The following TMC6 variants were observed in gnomAD, a reference collection of about 807,000 sequenced individuals.
TMC6 encodes transmembrane channel-like protein 6.
A neutral mutation model predicts 95.4 loss-of-function variants in TMC6; 71 were observed. The ratio of observed to expected loss-of-function variants is 0.74; its 90% confidence interval spans 0.61 to 0.91. The LOEUF is 0.91. TMC6 is among the 40% of genes least tolerant of loss of function. The probability of loss-of-function intolerance (pLI) is 0.00; values close to 1 mark genes in which losing one functional copy is unlikely to be tolerated. For missense variants in TMC6, 1,074 were observed against 1,079.1 expected (o/e 1.00, Z 0.07); for synonymous variants, 514 against 483.1 (o/e 1.06, Z -0.84).
chr17:78,132,357 A>G (rs1356092812), upstream of TMC6: 9 of 1,612,576 alleles, frequency 5.6e-6, no homozygotes, highest in Non-Finnish European at 7.6e-6. Flanking sequence ...CTCCCACTGC[A>G]GGCCTCTTCG....
Position 78,117,623 on chromosome 17 carries a change from GC to G in TMC6, c.2042del (p.Cys681SerfsTer38). 2 of 1,574,584 alleles carry G rather than the reference GC, an allele frequency of 1.3e-6. No individual in the cohort carries two copies. The highest frequency in any genetic ancestry group is 1.7e-6 in the Non-Finnish European group (2 of 1,161,140). ...TGGTGTCCAGGGTCCGGAAGGGGCC[GC>G]AGGTGCTCGAGGGCTTCACCCTGGG... ...AVWQVKPSST[C>X]GPFRTLDTMY... On this transcript the variant is annotated frameshift_variant, in exon 17 of 20. Coordinates refer to ENST00000590602, the MANE Select transcript of TMC6 (RefSeq NM_001127198.5). LOFTEE classifies it high-confidence loss of function.
intron 1 of TMC6, 155 bp from the exon 2 acceptor site, chr17:78,127,061 C>G: frequency 1.6e-6 from 1 of 617,762 alleles, no homozygotes; most frequent in Non-Finnish European, 2.9e-6. Context: ...GGTGAGGCAC[C>G]GAATAAGCCT....
intron 19 of TMC6, among the ~76,000 whole-genome samples, 154 bp from the exon 20 acceptor site, chr17:78,113,365 C>CTAGAAGAGTGA (rs1275090661): frequency 2.0e-5 from 3 of 152,238 alleles, no homozygotes; most frequent in Non-Finnish European, 4.4e-5. Context: ...TGGCCAGGCT[C>CTAGAAGAGTGA]CGGAGGCCAG....
At position 78,111,797 on chromosome 17, in the gene TMC6, C is replaced by A. The variant is rs2073829620; in HGVS notation, c.*1351G>T. On this transcript the variant is annotated 3_prime_UTR_variant, in exon 20 of 20. Transcript: ENST00000590602. ...CCATCGCTCTTTGACCATTTCCCCA[C>A]CTGGGTTCATTCCCCCAATCCCAAG... 4.9e-6 allele frequency: 1 copy of A among 203,864 alleles called. No individual in the cohort carries two copies. Among genetic ancestry groups the A allele is most frequent in the African/African-American group, 2.4e-5 (1 of 41,942 alleles). The allele number at this position is 203,864 out of a possible 1,614,324, so 12.6% of individuals were successfully genotyped here. A position where few individuals can be genotyped will look rare whatever the true frequency, so the allele number is the denominator to read the frequency against.
chr17:78,120,073 A>G (rs1264520353), intron 13 of TMC6: 1 of 360,304 alleles, frequency 2.8e-6, no homozygotes, highest in African/African-American at 2.2e-5. Context: ...AACATTTTTT[A>G]AATGTTCCTC....
In TMC6 at chr17:78,124,989, G is replaced by A; in HGVS notation, c.537-4C>T. 6.3e-7 allele frequency: 1 copy of A among 1,583,814 alleles called. No homozygotes were observed. Among genetic ancestry groups the A allele is most frequent in the Non-Finnish European group, 8.6e-7 (1 of 1,168,158 alleles). On this transcript the variant is annotated splice_region_variant and splice_polypyrimidine_tract_variant and intron_variant, in intron 6 of 19. Coordinates refer to ENST00000590602, the MANE Select transcript of TMC6 (RefSeq NM_001127198.5). The stretch of plus-strand genomic sequence containing the variant: ...CCTCGGGGTCCTGCTCTTCTCTCTG[G>A]GGACAGAGGCAGCCATAGGTGCCTG...
chr17:78,126,429 C>T, intron 3 of TMC6, 63 bp from the exon 4 acceptor site: 1 of 1,605,996 alleles, frequency 6.2e-7, no homozygotes, highest in South Asian at 1.1e-5. Context: ...TATCTCCCAC[C>T]CCATCCCAGG....
rs2073874878 is a variant in TMC6 at position 78,113,148 on chromosome 17, CT to C, written c.2417del (p.Ter806TrpfsTer51). On this transcript the variant is annotated frameshift_variant and stop_lost, in exon 20 of 20. Coordinates refer to ENST00000590602, the MANE Select transcript of TMC6 (RefSeq NM_001127198.5). LOFTEE classifies it high-confidence loss of function. ...GCCCGTGAGGCCCATCGCCGTCCCC[CT>C]AGGCATCCTGTTCATCTGTGAGCAG... is the stretch of plus-strand genomic sequence containing the variant. ...PALLTDEQDA* is the reference protein window; with the variant it reads ...PALLTDEQDAX 1 of 1,554,046 alleles carries C rather than the reference CT, an allele frequency of 6.4e-7. No homozygotes were observed. Among genetic ancestry groups the C allele is most frequent in the Admixed American group, 1.9e-5 (1 of 51,370 alleles).
upstream of TMC6, among the ~76,000 whole-genome samples, chr17:78,129,080 C>T (rs1203521497): frequency 1.3e-5 from 2 of 151,602 alleles, no homozygotes; most frequent in African/African-American, 2.4e-5. The surrounding 1 kb of genome is among the most constrained non-coding windows in gnomAD (Gnocchi z 4.3). Context: ...CCGAAAGCCC[C>T]AGGGACACAG....
intron 6 of TMC6, 39 bp from the exon 7 acceptor site, chr17:78,125,024 G>A: frequency 6.4e-7 from 1 of 1,553,310 alleles, no homozygotes; most frequent in South Asian, 1.2e-5. Context: ...GGACCAATGA[G>A]GGGCCTGACT....
At chr17:78,131,198 CG>C, upstream of TMC6, 2 of 345,946 alleles carry the variant, frequency 5.8e-6, no homozygotes, top group South Asian at 5.0e-5. Flanking sequence ...CAGGTGGATG[CG>C]GGGTGCAGCA....
At position 78,126,609 on chromosome 17, in the gene TMC6, G is replaced by GC; in HGVS notation, c.95_96insG (p.Asp32GlufsTer32). The GC allele has an allele frequency of 6.2e-7, 1 of 1,613,686 alleles. No homozygotes were observed. Reference sequence around the variant, plus strand: ...GCTCCTGGATGAGCTGCTGGAAGGAGTCGTGCACTTCGCTTTCATCATAGG... The same window carrying GC: ...GCTCCTGGATGAGCTGCTGGAAGGAGCTCGTGCACTTCGCTTTCATCATAGG... On this transcript the variant is annotated frameshift_variant, in exon 3 of 20. Coordinates refer to ENST00000590602, the MANE Select transcript of TMC6 (RefSeq NM_001127198.5). LOFTEE classifies it high-confidence loss of function.
rs952440785 is a variant in TMC6 at position 78,118,995 on chromosome 17, C to G, written c.1863G>C (p.Leu621=). The change falls in exon 15 of 20, where the codon CTG becomes CTC. Residue 621 remains leucine (L), a synonymous_variant. Transcript: ENST00000590602. ...CCTTCTTGACATAGAAGACGAGCAG[C>G]AGCTTGATGATCTGCACGGCGGGGA... ...PLLPAVQIIK[L]LLVFYVKKTS... 12 of 1,605,506 alleles carry G rather than the reference C, an allele frequency of 7.5e-6. No homozygotes were observed. Among genetic ancestry groups the G allele is most frequent in the Non-Finnish European group, 1.0e-5 (12 of 1,176,336 alleles).
rs2074266272 is a variant in TMC6, at chr17:78,118,903, A to G, written c.1887+68T>C. The stretch of plus-strand genomic sequence containing the variant: ...GGTTCTAGTGTCCCAGGCTCTGCCC[A>G]GCTGAGTCCTGCCCCCACTGCCGGC... On this transcript the variant is annotated intron_variant, in intron 15 of 19. Transcript: ENST00000590602. 5 of 1,510,052 alleles carry G rather than the reference A, an allele frequency of 3.3e-6. 1 individual carries two copies. In the South Asian group the frequency reaches 4.8e-5, roughly 14 times the overall value. The allele number at this position is 1,510,052 out of a possible 1,614,324, so 93.5% of individuals were successfully genotyped here.
At chr17:78,125,994 A>G (rs1480871271) in intron 4 of TMC6, 110 bp from the exon 5 acceptor site, 1 of 1,454,724 alleles carries the variant, frequency 6.9e-7, no homozygotes, top group Non-Finnish European at 9.3e-7. Flanking sequence ...GGACCCAGGA[A>G]AATCCTTTCA....
rs2074726912 is a variant in TMC6, at chr17:78,126,529, A to G, written c.176T>C (p.Val59Ala). The part of the protein sequence containing the change: ...GLELQQRERE[V>A]TGSSQQTLWR... ...GCATCCAGGCCTGAGCTCACCTGTC[A>G]CCTCCCGCTCTCTCTGCTGCAGCTC... The change falls in exon 3 of 20, where the codon GTG (valine) becomes GCG (alanine). Residue 59 changes from valine to alanine, a missense_variant. Coordinates refer to ENST00000590602, the MANE Select transcript of TMC6 (RefSeq NM_001127198.5). 6.2e-7 allele frequency: 1 copy of G among 1,612,590 alleles called. No individual in the cohort carries two copies. Among genetic ancestry groups the G allele is most frequent in the Non-Finnish European group, 8.5e-7 (1 of 1,179,782 alleles).
chr17:78,127,098 C>G (rs1265942908), intron 1 of TMC6, 192 bp from the exon 2 acceptor site: 1 of 589,338 alleles, frequency 1.7e-6, no homozygotes, highest in Non-Finnish European at 3.0e-6. Flanking sequence ...GGGGGGCCCC[C>G]TCCAGTGTCA....
intron 18 of TMC6, among the ~76,000 whole-genome samples, chr17:78,115,472 A>G (rs1451442558): frequency 6.6e-6 from 1 of 152,186 alleles, no homozygotes; most frequent in East Asian, 1.9e-4. Flanking sequence ...AAGCCTGGAA[A>G]AGCCACAGGA....
At chr17:78,129,127 C>G (rs999375555), upstream of TMC6, among the ~76,000 whole-genome samples, 1 of 147,592 alleles carries the variant, frequency 6.8e-6, no homozygotes, top group Non-Finnish European at 1.5e-5. This position sits in a 1 kb window ranked among gnomAD's most constrained non-coding sequence, Gnocchi z 4.3. Flanking sequence ...CCCCCCCCCC[C>G]GCCGCCCCCG....
Sources: gnomAD v4.1 joint callset for allele counts (sites outside exome capture counted in the v4.1 genomes callset) on GRCh38, gnomAD v4.1.1 for gene constraint, Gnocchi (gnomAD v3.1) non-coding constraint, MANE v1.5 for transcripts, NCBI Gene and HGNC (gene_info 2026-07-23, HGNC 2026-07-21) for gene names.